Variants in PDE1C observed in about 807,000 individuals in gnomAD.
PDE1C encodes the protein phosphodiesterase 1C, also known as dual specificity calcium/calmodulin-dependent 3',5'-cyclic nucleotide phosphodiesterase 1C.
In PDE1C, 62 loss-of-function variants were observed where a neutral mutation model predicts 93.1. The ratio of observed to expected loss-of-function variants is 0.67; its 90% CI spans 0.54 to 0.82. The LOEUF is 0.82. Ranked by LOEUF, PDE1C falls within the 40% of genes least tolerant of loss-of-function variation. PDE1C has a pLI of 0.00. For synonymous variants in PDE1C, 325 were observed against 310.1 expected (o/e 1.05, Z -0.50); for missense variants, 742 against 884.6 (o/e 0.84, Z 2.04).
chr7:31,969,026 C>A (rs1164091411), intron 2 of PDE1C, among the ~76,000 whole-genome samples: 3 of 152,152 alleles, frequency 2.0e-5, no homozygotes, highest in Non-Finnish European at 4.4e-5. Context: ...ACCATAAAAA[C>A]CTTAGAAGAA....
intron 2 of PDE1C, among the ~76,000 whole-genome samples, chr7:31,986,781 G>A (rs1783446360): frequency 6.6e-6 from 1 of 152,056 alleles, no homozygotes; most frequent in Non-Finnish European, 1.5e-5. Context: ...TTGGACTTCT[G>A]GCCTCCAGAA....
At chr7:31,990,099 G>C (rs907284687) in intron 2 of PDE1C, among the ~76,000 whole-genome samples, 12 of 152,260 alleles carry the variant, frequency 7.9e-5, no homozygotes, top group African/African-American at 2.9e-4. Context: ...AGGGCCCCTG[G>C]GGAGCAAACA....
chr7:32,096,780 G>C (rs1183592298), intron 3 of PDE1C, among the ~76,000 whole-genome samples: 1 of 151,794 alleles, frequency 6.6e-6, no homozygotes, highest in Non-Finnish European at 1.5e-5. Context: ...ATTTGTATTA[G>C]TCAGGGTTCT....
chr7:32,401,529 T>A (rs1784942651), intron 1 of PDE1C, among the ~76,000 whole-genome samples: 1 of 141,726 alleles, frequency 7.1e-6, no homozygotes, highest in Non-Finnish European at 1.5e-5. Context: ...AGAGCAAGAC[T>A]CCATCTCAAA....
chr7:31,655,820 G>T, the PDE1C span: 3 of 985,492 alleles, frequency 3.0e-6, no homozygotes, highest in Non-Finnish European at 3.6e-6. Context: ...TGTAGACTCC[G>T]AGCTCTCCTG....
intron 3 of PDE1C, among the ~76,000 whole-genome samples, chr7:31,880,527 G>A (rs1465113849): frequency 2.0e-5 from 3 of 151,882 alleles, no homozygotes; most frequent in African/African-American, 4.8e-5. Flanking sequence ...TTGTCATGGC[G>A]GCCATATGAG....
intron 1 of PDE1C, among the ~76,000 whole-genome samples, chr7:32,393,465 A>G (rs2128093553): frequency 6.6e-6 from 1 of 152,324 alleles, no homozygotes; most frequent in Non-Finnish European, 1.5e-5. Flanking sequence ...AGACCTACAG[A>G]AAAGCCTGAA....
intron 2 of PDE1C, among the ~76,000 whole-genome samples, chr7:31,909,337 C>G (rs1381424808): frequency 6.6e-6 from 1 of 152,114 alleles, no homozygotes; most frequent in African/African-American, 2.4e-5. Flanking sequence ...AATAAAGACC[C>G]TCTTAGTCAT....
intron 1 of PDE1C, among the ~76,000 whole-genome samples, chr7:32,310,936 A>C (rs1335905615): frequency 6.6e-6 from 1 of 152,210 alleles, no homozygotes; most frequent in Non-Finnish European, 1.5e-5. Context: ...GACACAAAAA[A>C]CCCTTCAAAA....
chr7:32,252,216 T>G (rs1417961307), intron 1 of PDE1C, among the ~76,000 whole-genome samples: 1 of 152,204 alleles, frequency 6.6e-6, no homozygotes, highest in Admixed American at 6.5e-5. Context: ...TCCAAAACAG[T>G]CTTCATTTGC....
At chr7:31,663,699 C>A in the PDE1C span, among the ~76,000 whole-genome samples, 1 of 152,098 alleles carries the variant, frequency 6.6e-6, no homozygotes, top group African/African-American at 2.4e-5. Context: ...CCATCTTAAC[C>A]AGAAATGAAA....
chr7:31,933,021 T>A (rs185077025), intron 2 of PDE1C, among the ~76,000 whole-genome samples: 1 of 152,018 alleles, frequency 6.6e-6, no homozygotes, highest in East Asian at 1.9e-4. Flanking sequence ...ATAATGAGAA[T>A]GAACGGGCAC....
At chr7:31,643,977 TG>T in the PDE1C span, 1 of 1,575,062 alleles carries the variant, frequency 6.3e-7, no homozygotes, top group South Asian at 1.2e-5. Context: ...CTGGCAAAGA[TG>T]GAAAGGCAGA....
chr7:31,941,656 T>TAGTC (rs1466697303), intron 2 of PDE1C: 1 of 152,472 alleles, frequency 6.6e-6, no homozygotes, highest in Non-Finnish European at 1.5e-5. Flanking sequence ...CACTTCCCGT[T>TAGTC]ATTCCTAATT....
chr7:31,690,471 A>G, the PDE1C span, among the ~76,000 whole-genome samples: 2 of 152,340 alleles, frequency 1.3e-5, no homozygotes, highest in East Asian at 1.9e-4. Flanking sequence ...TGCAAATTTT[A>G]TTGTAGCAGA....
At chr7:32,251,080 CGT>C (rs1043960775) in intron 1 of PDE1C, among the ~76,000 whole-genome samples, 2 of 152,200 alleles carry the variant, frequency 1.3e-5, no homozygotes, top group Non-Finnish European at 1.5e-5. Flanking sequence ...CACAAGCGCG[CGT>C]GCGCACACAC....
intron 2 of PDE1C, among the ~76,000 whole-genome samples, chr7:31,894,375 G>A (rs756462100): frequency 2.6e-4 from 40 of 152,332 alleles, no homozygotes; most frequent in Admixed American, 2.0e-4. Context: ...CTAATTATGG[G>A]TCTTCCCATG....
chr7:31,742,091 G>C, the PDE1C span, among the ~76,000 whole-genome samples: 9 of 152,198 alleles, frequency 5.9e-5, no homozygotes, highest in African/African-American at 2.2e-4. Flanking sequence ...GAATGAATCA[G>C]TGGTATTCTA....
intron 1 of PDE1C, among the ~76,000 whole-genome samples, chr7:32,320,461 C>T (rs912018338): frequency 6.6e-6 from 1 of 152,042 alleles, no homozygotes; most frequent in African/African-American, 2.4e-5. Flanking sequence ...CCATGGCACA[C>T]GTTTACCTAT....
Sources: gnomAD v4.1 joint callset for allele counts (sites outside exome capture counted in the v4.1 genomes callset) on GRCh38, gnomAD v4.1.1 for gene constraint, MANE v1.5 for transcripts, NCBI Gene and HGNC (gene_info 2026-07-23, HGNC 2026-07-21) for gene names.